The following PITPNB variants were observed in gnomAD, a reference collection of about 807,000 sequenced individuals.
The protein encoded by PITPNB is phosphatidylinositol transfer protein beta isoform.
PITPNB carries 16 observed loss-of-function variants against 45.9 expected under a neutral mutation model. The ratio of observed to expected loss-of-function variants is 0.35; its 90% CI spans 0.24 to 0.53. The LOEUF is 0.53. PITPNB is among the 20% of genes least tolerant of loss of function. The pLI is 0.93. For missense variants in PITPNB, 188 were observed against 330.5 expected (o/e 0.57, Z 3.34); for synonymous variants, 112 against 108.9 (o/e 1.03, Z -0.18).
intron 4 of PITPNB, among the ~76,000 whole-genome samples, chr22:27,897,581 C>T (rs1317348360): frequency 2.0e-5 from 3 of 152,158 alleles, no homozygotes; most frequent in Non-Finnish European, 4.4e-5. Context: ...TCAGCTAGGA[C>T]CCCAAAGTGG....
At position 27,910,988 on chromosome 22, in the gene PITPNB, G is replaced by A. The variant is rs1183197817; in HGVS notation, c.173C>T (p.Thr58Met). The change falls in exon 3 of 12, where the codon ACG (threonine) becomes ATG (methionine). Residue 58 changes from threonine (T) to methionine (M), a missense_variant. Thr to Met is a moderately conservative substitution (Grantham distance 81). Coordinates refer to ENST00000335272, the MANE Select transcript of PITPNB (RefSeq NM_012399.5). ...CCTCTTTAGGTGATAAATTTTGTGC[G>A]TATACTGTCCCTTTTCTCCATCCTT... is the stretch of plus-strand genomic sequence containing the variant. Reference protein sequence around the residue: ...YEKDGEKGQYTHKIYHLKSKV... With the variant: ...YEKDGEKGQYMHKIYHLKSKV... 5 of 1,612,574 alleles carry A rather than the reference G, an allele frequency of 3.1e-6. No homozygotes were observed. The highest frequency in any genetic ancestry group is 4.2e-6 in the Non-Finnish European group (5 of 1,178,752).
At chr22:27,908,407 T>C (rs1935826147) in intron 3 of PITPNB, among the ~76,000 whole-genome samples, 2 of 151,556 alleles carry the variant, frequency 1.3e-5, no homozygotes. Flanking sequence ...AACTGTTCTT[T>C]TCCATGCAAG....
chr22:27,900,366 AG>A (rs1935559260), intron 3 of PITPNB, among the ~76,000 whole-genome samples: 1 of 152,196 alleles, frequency 6.6e-6, no homozygotes, highest in Admixed American at 6.5e-5. Flanking sequence ...TGACTCAAAT[AG>A]AAGGAAATTG....
intron 8 of PITPNB, among the ~76,000 whole-genome samples, chr22:27,867,040 G>C (rs1158866744): frequency 6.6e-6 from 1 of 152,124 alleles, no homozygotes; most frequent in Non-Finnish European, 1.5e-5. Flanking sequence ...TAGCCATTTG[G>C]ACAGACCTAA....
intron 3 of PITPNB, among the ~76,000 whole-genome samples, chr22:27,900,355 C>T (rs1338894586): frequency 6.6e-6 from 1 of 152,040 alleles, no homozygotes; most frequent in African/African-American, 2.4e-5. Context: ...CTAAAATTTG[C>T]TGACTCAAAT....
In PITPNB at chr22:27,897,910, C is replaced by G. The variant is rs745535284; in HGVS notation, c.198-18G>C. Reference sequence around the variant, plus strand: ...GCACTTTGCTGGGAGAAGAGAGATACTGGATATATTTAACAGCACCATCAA... The same window carrying G: ...GCACTTTGCTGGGAGAAGAGAGATAGTGGATATATTTAACAGCACCATCAA... On this transcript the variant is annotated intron_variant, in intron 3 of 11. Coordinates refer to ENST00000335272, the MANE Select transcript of PITPNB (RefSeq NM_012399.5). 39 of 1,531,570 alleles carry G rather than the reference C, an allele frequency of 2.5e-5. No homozygotes were observed. The highest frequency in any genetic ancestry group is 3.3e-5 in the Non-Finnish European group (36 of 1,105,078). 94.9% of individuals were successfully genotyped at this position (1,531,570 alleles called of 1,614,324 possible). A position where few individuals can be genotyped will look rare whatever the true frequency, so the allele number is the denominator to read the frequency against.
chr22:27,879,925 T>C (rs1301585590), intron 7 of PITPNB, among the ~76,000 whole-genome samples: 2 of 152,108 alleles, frequency 1.3e-5, no homozygotes, highest in Non-Finnish European at 2.9e-5. Flanking sequence ...TCCATTAGCA[T>C]TAAGTTAACA....
chr22:27,875,755 G>A (rs541871612), intron 7 of PITPNB, among the ~76,000 whole-genome samples: 10 of 152,100 alleles, frequency 6.6e-5, no homozygotes, highest in South Asian at 2.1e-4. Flanking sequence ...CACACCAGAC[G>A]TTATTAGTAA....
At chr22:27,855,380 G>A (rs1030525576) in intron 10 of PITPNB, among the ~76,000 whole-genome samples, 1 of 152,026 alleles carries the variant, frequency 6.6e-6, no homozygotes, top group Non-Finnish European at 1.5e-5. Context: ...TTTACTGAAA[G>A]GAGGGAGAAT....
chr22:27,890,670 T>C (rs1371784169), intron 7 of PITPNB, among the ~76,000 whole-genome samples: 1 of 151,972 alleles, frequency 6.6e-6, no homozygotes, highest in Non-Finnish European at 1.5e-5. Context: ...AAAAATTAGC[T>C]GGGCATGGTG....
chr22:27,883,051 C>T (rs560366192), intron 7 of PITPNB, among the ~76,000 whole-genome samples: 2 of 152,276 alleles, frequency 1.3e-5, no homozygotes, highest in Admixed American at 6.5e-5. Context: ...TGCACATATG[C>T]GAACTTCAAA....
chr22:27,883,958 T>TGGGA (rs1014480989), intron 7 of PITPNB, among the ~76,000 whole-genome samples: 1 of 152,206 alleles, frequency 6.6e-6, no homozygotes, highest in African/African-American at 2.4e-5. Flanking sequence ...TGCTCCCACT[T>TGGGA]GGGAGTGCCT....
At chr22:27,881,712 T>C (rs1169619626) in intron 7 of PITPNB, among the ~76,000 whole-genome samples, 1 of 152,196 alleles carries the variant, frequency 6.6e-6, no homozygotes, top group African/African-American at 2.4e-5. Context: ...TTGGAACAAA[T>C]GTAACATCTA....
At chr22:27,854,756 C>G in intron 11 of PITPNB, 98 bp downstream of exon 11, 1 of 580,636 alleles carries the variant, frequency 1.7e-6, no homozygotes, top group Non-Finnish European at 3.1e-6. Context: ...AAAAATAAAA[C>G]CACATTTAAC....
intron 1 of PITPNB, among the ~76,000 whole-genome samples, chr22:27,918,058 T>C (rs186479746): frequency 7.3e-4 from 111 of 152,252 alleles, no homozygotes; most frequent in Middle Eastern, 3.4e-3. Context: ...GCAAGGAAGC[T>C]TGCGAAGATG....
intron 3 of PITPNB, among the ~76,000 whole-genome samples, chr22:27,903,777 CAAAAA>C (rs58453570): frequency 1.2e-5 from 1 of 84,258 alleles, no homozygotes; most frequent in Admixed American, 1.3e-4. Flanking sequence ...CCCTGTCTCC[CAAAAA>C]AAAAAAAAAA....
chr22:27,899,282 T>C (rs1935525479), intron 3 of PITPNB, among the ~76,000 whole-genome samples: 1 of 152,258 alleles, frequency 6.6e-6, no homozygotes, highest in Non-Finnish European at 1.5e-5. Flanking sequence ...CCTTAATGTC[T>C]TCACATCCTT....
intron 1 of PITPNB, among the ~76,000 whole-genome samples, chr22:27,918,206 GCAT>G (rs940463058): frequency 2.6e-5 from 4 of 152,290 alleles, no homozygotes; most frequent in African/African-American, 9.6e-5. Context: ...TCAGAGAAGT[GCAT>G]CAGTGACTTT....
chr22:27,882,391 T>C (rs935895486), intron 7 of PITPNB, among the ~76,000 whole-genome samples: 1 of 152,154 alleles, frequency 6.6e-6, no homozygotes. Flanking sequence ...CAAAGGCAAC[T>C]GAAATTTCAA....
Sources: allele counts gnomAD v4.1 joint callset (sites outside exome capture counted in the v4.1 genomes callset), GRCh38; gene constraint gnomAD v4.1.1; transcripts MANE v1.5; gene names NCBI Gene and HGNC (gene_info 2026-07-23, HGNC 2026-07-21).